The following NLGN1 variants were observed in gnomAD, a reference collection of about 807,000 sequenced individuals.
NLGN1 encodes the protein neuroligin-1.
In NLGN1, 12 loss-of-function variants were observed where a neutral mutation model predicts 65.5. The observed-to-expected ratio is 0.18, with a 90% CI of 0.12 to 0.30. The LOEUF (loss-of-function observed/expected upper bound fraction) is 0.30. Ranked by LOEUF, NLGN1 falls within the 10% of genes least tolerant of loss-of-function variation. The pLI is 1.00. For synonymous variants in NLGN1, 350 were observed against 359.5 expected (o/e 0.97, Z 0.30); for missense variants, 750 against 1,007.1 (o/e 0.74, Z 3.46).
In NLGN1 at chr3:173,427,427, T is replaced by C. The variant is rs116097943; in HGVS notation, c.-389-7583T>C. 5.6e-3 allele frequency among the ~76,000 whole-genome samples: 857 copies of C among 152,086 alleles called. 7 individuals are homozygous for C. Among genetic ancestry groups the C allele is most frequent in the African/African-American group, 0.02 (822 of 41,572 alleles). On this transcript the variant is annotated intron_variant, in intron 1 of 6. Transcript: ENST00000457714. ...GGTTGAGTTTTAGAAGTCTTTTTTC[T>C]TTTTCAATGTAAGCATTTATTGCTG...
chr3:174,047,759 T>G (rs953572212), intron 4 of NLGN1, among the ~76,000 whole-genome samples: 2 of 151,966 alleles, frequency 1.3e-5, no homozygotes, highest in African/African-American at 4.8e-5. Context: ...TTTTATTTGC[T>G]TAAATATTCT....
At chr3:173,465,871 A>C (rs894811943) in intron 2 of NLGN1, among the ~76,000 whole-genome samples, 5 of 152,202 alleles carry the variant, frequency 3.3e-5, no homozygotes, top group African/African-American at 7.2e-5. Flanking sequence ...TTCCAGAGAA[A>C]GTGAAATAAA....
At chr3:173,906,598 A>T (rs1409657362) in intron 4 of NLGN1, among the ~76,000 whole-genome samples, 1 of 152,158 alleles carries the variant, frequency 6.6e-6, no homozygotes, top group Non-Finnish European at 1.5e-5. Context: ...CCCACGATGG[A>T]GGCAAAACAG....
At chr3:173,541,822 G>A (rs983231945) in intron 2 of NLGN1, among the ~76,000 whole-genome samples, 1 of 152,000 alleles carries the variant, frequency 6.6e-6, no homozygotes, top group African/African-American at 2.4e-5. Flanking sequence ...TGACCTATTT[G>A]TTTCTCTTTA....
At chr3:173,586,223 A>G (rs1414926753) in intron 2 of NLGN1, among the ~76,000 whole-genome samples, 1 of 152,184 alleles carries the variant, frequency 6.6e-6, no homozygotes, top group Admixed American at 6.5e-5. Flanking sequence ...GATAAAACAT[A>G]CATTTTGTAT....
At chr3:173,810,215 T>A (rs958364003) in intron 4 of NLGN1, among the ~76,000 whole-genome samples, 1 of 152,200 alleles carries the variant, frequency 6.6e-6, no homozygotes, top group Admixed American at 6.5e-5. Flanking sequence ...TTCAGCATAC[T>A]TTGCATGAGT....
rs572061931 is a variant in NLGN1 at position 174,179,595 on chromosome 3, T to C, written c.647-95720T>C. Among the ~76,000 whole-genome samples, 6 of 152,238 alleles carry C rather than the reference T, an allele frequency of 3.9e-5. No homozygotes were observed. In the East Asian group the frequency reaches 9.7e-4, roughly 24 times the overall value. On this transcript the variant is annotated intron_variant, in intron 4 of 6. Coordinates refer to ENST00000457714, the Ensembl canonical transcript of NLGN1. ...TAAATGTATTTTTTAACTTAAATTA[T>C]TTCATAGATTTTTAAAGAATTCCAT...
intron 4 of NLGN1, among the ~76,000 whole-genome samples, chr3:174,099,718 G>T (rs1406616505): frequency 6.6e-6 from 1 of 151,972 alleles, no homozygotes; most frequent in Non-Finnish European, 1.5e-5. Context: ...CAAAGGGAAG[G>T]CTTAATTAAC....
rs144994356 is a variant in NLGN1 at position 174,115,388 on chromosome 3, G to A, written c.647-159927G>A. Among the ~76,000 whole-genome samples, 24 of 152,188 alleles carry A rather than the reference G, an allele frequency of 1.6e-4. 1 individual carries two copies. Among genetic ancestry groups the A allele is most frequent in the African/African-American group, 5.3e-4 (22 of 41,530 alleles). ...ATTGAAACATGGGAAAACAAGATTC[G>A]ATCTCAGCTGTTATTTAGGTTCTAT... is the stretch of plus-strand genomic sequence containing the variant. On this transcript the variant is annotated intron_variant, in intron 4 of 6. Transcript: ENST00000457714.
intron 4 of NLGN1, among the ~76,000 whole-genome samples, chr3:173,822,466 A>G (rs1720511875): frequency 6.6e-6 from 1 of 152,194 alleles, no homozygotes; most frequent in Non-Finnish European, 1.5e-5. Context: ...TTCTAATCCA[A>G]AAATCTAATA....
intron 2 of NLGN1, among the ~76,000 whole-genome samples, chr3:173,563,843 C>G (rs9868368): frequency 6.6e-6 from 1 of 152,182 alleles, no homozygotes; most frequent in Non-Finnish European, 1.5e-5. Context: ...GCTCGTCTTC[C>G]TGTTTCCATC....
intron 4 of NLGN1, among the ~76,000 whole-genome samples, chr3:173,937,419 A>T (rs1269434662): frequency 6.6e-6 from 1 of 152,062 alleles, no homozygotes; most frequent in East Asian, 1.9e-4. Flanking sequence ...TAGTGGCTCA[A>T]ATTGGGAGAT....
At chr3:173,563,784 A>G (rs1743181876) in intron 2 of NLGN1, among the ~76,000 whole-genome samples, 1 of 152,118 alleles carries the variant, frequency 6.6e-6, no homozygotes, top group African/African-American at 2.4e-5. Flanking sequence ...CATCCACCCC[A>G]GTTAAAGCCG....
At chr3:173,450,126 G>C (rs1721201674) in intron 2 of NLGN1, among the ~76,000 whole-genome samples, 1 of 152,126 alleles carries the variant, frequency 6.6e-6, no homozygotes, top group Non-Finnish European at 1.5e-5. Context: ...TGGTTATTTT[G>C]CTCGTTAGTT....
chr3:173,667,239 G>GCA (rs3032837), intron 3 of NLGN1, among the ~76,000 whole-genome samples: 17,488 of 147,322 alleles, frequency 0.12, 1,165 homozygotes, highest in Middle Eastern at 0.23. Flanking sequence ...ACACGCATAT[G>GCA]CACACACACA....
chr3:173,710,644 T>C (rs959135630), intron 3 of NLGN1, among the ~76,000 whole-genome samples: 1 of 152,190 alleles, frequency 6.6e-6, no homozygotes, highest in African/African-American at 2.4e-5. Context: ...TTTGTTAAAT[T>C]AATGAAACCT....
chr3:174,114,404 T>C (rs965648424), intron 4 of NLGN1, among the ~76,000 whole-genome samples: 6 of 152,158 alleles, frequency 3.9e-5, no homozygotes, highest in African/African-American at 1.2e-4. Context: ...ATCTCTCTCA[T>C]TATGGATAAT....
chr3:173,473,821 C>G (rs1725728487), intron 2 of NLGN1, among the ~76,000 whole-genome samples: 1 of 152,206 alleles, frequency 6.6e-6, no homozygotes, highest in Non-Finnish European at 1.5e-5. Flanking sequence ...GACAAGCCTT[C>G]TGTGTGCACT....
At chr3:173,756,061 G>A (rs982049080) in intron 3 of NLGN1, among the ~76,000 whole-genome samples, 2 of 151,856 alleles carry the variant, frequency 1.3e-5, no homozygotes, top group African/African-American at 2.4e-5. Flanking sequence ...AACAAATAGA[G>A]CTACAGAGAA....
Sources: gnomAD v4.1 joint callset for allele counts (sites outside exome capture counted in the v4.1 genomes callset) on GRCh38, gnomAD v4.1.1 for gene constraint, MANE v1.5 for transcripts, NCBI Gene and HGNC (gene_info 2026-07-23, HGNC 2026-07-21) for gene names.